IGSF9B: variants seen among roughly 807,000 people sequenced by gnomAD.
IGSF9B encodes the protein immunoglobulin superfamily member 9B.
IGSF9B carries 48 observed loss-of-function variants against 143.7 expected under a neutral mutation model. The observed-to-expected ratio is 0.33, with a 90% CI of 0.26 to 0.42. The LOEUF (loss-of-function observed/expected upper bound fraction) is 0.42, where lower values mean the gene tolerates loss of function less well. Ranked by LOEUF, IGSF9B falls within the 20% of genes least tolerant of loss-of-function variation. The pLI, the probability that IGSF9B is intolerant of heterozygous loss-of-function variation, is 1.00. For synonymous variants in IGSF9B, 903 were observed against 833.1 expected, an observed-to-expected ratio of 1.08 and a Z score of -1.44; for missense variants, 1,706 against 1,980.0, an observed-to-expected ratio of 0.86 and a Z score of 2.63.
intron 1 of IGSF9B, among the ~76,000 whole-genome samples, chr11:133,955,402 A>C (rs752580790): frequency 1.3e-5 from 2 of 152,222 alleles, no homozygotes; most frequent in Non-Finnish European, 2.9e-5. Flanking sequence ...TCAGAAGCAG[A>C]GGCGACATAT....
In IGSF9B at chr11:133,909,025, G is replaced by A. The variant is rs1442589944; in HGVS notation, c.*44C>T. 5 of 1,501,958 alleles carry A rather than the reference G, an allele frequency of 3.3e-6. No homozygotes were observed. Among genetic ancestry groups the A allele is most frequent in the East Asian group, 2.5e-5 (1 of 40,618 alleles). 93.0% of individuals were successfully genotyped at this position (1,501,958 alleles called of 1,614,324 possible). ...CCCCACACAGTGGCCCTCCCTGCCT[G>A]AGCCCAGCAACCTCGCCCCGGGGAC... is the stretch of plus-strand genomic sequence containing the variant. On this transcript the variant is annotated 3_prime_UTR_variant, in exon 20 of 20. Transcript: ENST00000533871. This position sits in a 1 kb window ranked among gnomAD's most constrained non-coding sequence, Gnocchi z 4.2.
chr11:133,929,623 G>C (rs777485297), intron 12 of IGSF9B, 48 bp downstream of exon 12: 2 of 1,369,004 alleles, frequency 1.5e-6, no homozygotes, highest in South Asian at 1.2e-5. Context: ...CCGGGGAGGG[G>C]AGAAGCAGAG....
intron 5 of IGSF9B, 139 bp downstream of exon 5, chr11:133,937,237 A>C: frequency 1.7e-6 from 1 of 595,452 alleles, no homozygotes; most frequent in Non-Finnish European, 2.9e-6. Flanking sequence ...AGCACACAGG[A>C]GCCCCGCACA....
chr11:133,916,050 G>C (rs1020688122), intron 18 of IGSF9B, among the ~76,000 whole-genome samples: 1 of 152,118 alleles, frequency 6.6e-6, no homozygotes, highest in Non-Finnish European at 1.5e-5. Context: ...TCCTACAGCT[G>C]ACCCAGGACA....
chr11:133,918,571 C>T (rs1294866903), intron 18 of IGSF9B, among the ~76,000 whole-genome samples: 4 of 152,162 alleles, frequency 2.6e-5, no homozygotes. Flanking sequence ...CCCTAAGCCC[C>T]GCACCCCCTT....
At position 133,907,196 on chromosome 11, in the gene IGSF9B, C is replaced by T. The variant is rs776207142; in HGVS notation, c.*1873G>A. The stretch of plus-strand genomic sequence containing the variant: ...AGGAACTGCGGTGGTGTTACTTGCA[C>T]GGTAAACCTCAAGGGTGGAGCTGGT... On this transcript the variant is annotated 3_prime_UTR_variant, in exon 20 of 20. Coordinates refer to ENST00000533871, the MANE Select transcript of IGSF9B (RefSeq NM_001277285.4). 5.9e-5 allele frequency among the ~76,000 whole-genome samples: 9 copies of T among 152,106 alleles called. No individual in the cohort carries two copies. The highest frequency in any genetic ancestry group is 3.3e-4 in the Admixed American group (5 of 15,280).
chr11:133,924,949 T>G, intron 14 of IGSF9B, 45 bp from the exon 15 acceptor site: 4 of 1,519,270 alleles, frequency 2.6e-6, no homozygotes, highest in Non-Finnish European at 3.6e-6. Context: ...GGACCTGAGA[T>G]GACCACTGTC....
chr11:133,934,668 G>A (rs1939790538), intron 7 of IGSF9B, among the ~76,000 whole-genome samples: 1 of 152,176 alleles, frequency 6.6e-6, no homozygotes, highest in Admixed American at 6.5e-5. Flanking sequence ...ACCGCGACCA[G>A]TGGTGGAATG....
At chr11:133,956,154 G>C (rs1940248358) in intron 1 of IGSF9B, among the ~76,000 whole-genome samples, 1 of 152,170 alleles carries the variant, frequency 6.6e-6, no homozygotes, top group African/African-American at 2.4e-5. Flanking sequence ...TGGGCAGGAG[G>C]GGCGCGAGCG....
At position 133,956,870 on chromosome 11, in the gene IGSF9B, C is replaced by G. The variant is rs1165259921; in HGVS notation, c.-116G>C. Reference sequence around the variant, plus strand: ...GCCTCGCGCCGCCTACGCCCCGCGCCGGTGCTCCTGCAGCCCGGGTGGCCA... The same window carrying G: ...GCCTCGCGCCGCCTACGCCCCGCGCGGGTGCTCCTGCAGCCCGGGTGGCCA... On this transcript the variant is annotated 5_prime_UTR_variant, in exon 1 of 20. Coordinates refer to ENST00000533871, the MANE Select transcript of IGSF9B (RefSeq NM_001277285.4). 3 of 527,260 alleles carry G rather than the reference C, an allele frequency of 5.7e-6. No individual in the cohort carries two copies. The highest frequency in any genetic ancestry group is 9.0e-6 in the Non-Finnish European group (3 of 334,374). 32.7% of individuals were successfully genotyped at this position (527,260 alleles called of 1,614,324 possible). A position where few individuals can be genotyped will look rare whatever the true frequency, so the allele number is the denominator to read the frequency against.
chr11:133,901,955 CAT>C lies in IGSF9B; in HGVS notation c.*7112_*7113del, dbSNP rs1565409619. 5.8e-5 allele frequency among the ~76,000 whole-genome samples: 7 copies of C among 121,628 alleles called. No individual in the cohort carries two copies. Among genetic ancestry groups the C allele is most frequent in the African/African-American group, 2.1e-4 (6 of 28,950 alleles). 79.8% of individuals were successfully genotyped at this position (121,628 alleles called of 152,430 possible). A position where few individuals can be genotyped will look rare whatever the true frequency, so the allele number is the denominator to read the frequency against. On this transcript the variant is annotated 3_prime_UTR_variant, in exon 20 of 20. Coordinates refer to ENST00000533871, the MANE Select transcript of IGSF9B (RefSeq NM_001277285.4). ...ACACAACACACACACACATCACACA[CAT>C]GCACACCGCATCACACACATGCACA...
chr11:133,931,358 C>G lies in IGSF9B; in HGVS notation c.1368+95G>C. 1 of 949,616 alleles carries G rather than the reference C, an allele frequency of 1.1e-6. No individual in the cohort carries two copies. The highest frequency in any genetic ancestry group is 3.0e-4 in the Middle Eastern group (1 of 3,388). The allele number at this position is 949,616 out of a possible 1,614,324, so 58.8% of individuals were successfully genotyped here. On this transcript the variant is annotated intron_variant, in intron 10 of 19. Coordinates refer to ENST00000533871, the MANE Select transcript of IGSF9B (RefSeq NM_001277285.4). This position sits in a 1 kb window ranked among gnomAD's most constrained non-coding sequence, Gnocchi z 7.7. ...TGGGCCCTCACACCTCCCCTCAGCCCCGGGGCTCGCTGGGCCCTCAAACCT... is the reference window on the plus strand; with the variant it reads ...TGGGCCCTCACACCTCCCCTCAGCCGCGGGGCTCGCTGGGCCCTCAAACCT...
intron 16 of IGSF9B, 83 bp downstream of exon 16, chr11:133,922,486 C>T: frequency 7.4e-7 from 1 of 1,342,674 alleles, no homozygotes; most frequent in Non-Finnish European, 1.0e-6. Flanking sequence ...CAAGGGGGGC[C>T]ATGCTAAAAA....
At chr11:133,922,342 G>A (rs899430233) in intron 16 of IGSF9B, 120 bp from the exon 17 acceptor site, 1 of 1,034,378 alleles carries the variant, frequency 9.7e-7, no homozygotes, top group South Asian at 1.4e-5. Context: ...TGCTCACAGT[G>A]GGCATCTTTG....
At chr11:133,952,805 GCACA>G (rs980051332) in intron 1 of IGSF9B, among the ~76,000 whole-genome samples, 3 of 151,946 alleles carry the variant, frequency 2.0e-5, no homozygotes, top group Non-Finnish European at 2.9e-5. Context: ...GTATGCATGT[GCACA>G]CACACACACT....
Position 133,920,542 on chromosome 11 carries a change from C to T in IGSF9B, c.3183G>A (p.Leu1061=). The part of the protein sequence containing the change: ...ETPAMMFPHQ[L]PPCDVPESLQ... The stretch of plus-strand genomic sequence containing the variant: ...GACTCTCGGGCACATCACAGGGTGG[C>T]AGCTGGTGGGGGAACATCATCGCTG... The change falls in exon 18 of 20, where the codon CTG becomes CTA. Residue 1061 remains leucine (L), a synonymous_variant. Transcript: ENST00000533871. The T allele has an allele frequency of 6.2e-7, 1 of 1,611,084 alleles. No homozygotes were observed. Among genetic ancestry groups the T allele is most frequent in the South Asian group, 1.1e-5 (1 of 90,614 alleles).
At chr11:133,932,001 A>C (rs1939740155) in intron 8 of IGSF9B, 70 bp downstream of exon 8, 1 of 1,543,082 alleles carries the variant, frequency 6.5e-7, no homozygotes, top group African/African-American at 1.4e-5. Flanking sequence ...AGAAATCCAG[A>C]GCCCAGAGGT....
rs1397229571 is a variant in IGSF9B, at chr11:133,931,094, C to T, written c.1409G>A (p.Ser470Asn). Reference sequence around the variant, plus strand: ...CAGGGCACGGAACTGCAGGCTCCCACTGGGCAGGGCACTGTGCTTGCTTCT... The same window carrying T: ...CAGGGCACGGAACTGCAGGCTCCCATTGGGCAGGGCACTGTGCTTGCTTCT... ...PSRSKHSALP[S>N]GSLQFRALSK... Residue 470 changes from serine to asparagine, a missense_variant, in exon 11 of 20, where the codon AGT (serine) becomes AAT (asparagine). Physicochemically the swap from Ser to Asn is conservative, Grantham distance 46. This residue lies in a region of IGSF9B where 238 missense variants were observed against 452.6 expected (regional missense o/e 0.53). Coordinates refer to ENST00000533871, the MANE Select transcript of IGSF9B (RefSeq NM_001277285.4). This position sits in a 1 kb window ranked among gnomAD's most constrained non-coding sequence, Gnocchi z 7.7. 1.9e-6 allele frequency: 3 copies of T among 1,613,636 alleles called. No individual in the cohort carries two copies. Among genetic ancestry groups the T allele is most frequent in the Non-Finnish European group, 1.7e-6 (2 of 1,179,792 alleles).
At chr11:133,954,962 C>T (rs964240557) in intron 1 of IGSF9B, among the ~76,000 whole-genome samples, 1 of 152,234 alleles carries the variant, frequency 6.6e-6, no homozygotes, top group Admixed American at 6.5e-5. Context: ...GCAGTATAAA[C>T]TCACATTCCT....
Sources: gnomAD v4.1 joint callset for allele counts (sites outside exome capture counted in the v4.1 genomes callset) on GRCh38, gnomAD v4.1.1 for gene constraint, gnomAD v4.1.1 regional missense constraint, Gnocchi (gnomAD v3.1) non-coding constraint, MANE v1.5 for transcripts, NCBI Gene and HGNC (gene_info 2026-07-23, HGNC 2026-07-21) for gene names.